PRDM16: variants seen among roughly 807,000 people sequenced by gnomAD.
PRDM16 encodes histone-lysine N-methyltransferase PRDM16.
PRDM16 carries 23 observed loss-of-function variants against 110.6 expected under a neutral mutation model. The observed-to-expected ratio is 0.21, with a 90% confidence interval of 0.15 to 0.29. PRDM16 has a LOEUF of 0.29. Ranked by LOEUF, PRDM16 falls within the 10% of genes least tolerant of loss-of-function variation. PRDM16 has a pLI of 1.00. For missense variants in PRDM16, 1,615 were observed against 1,794.3 expected (o/e 0.90, Z 1.81); for synonymous variants, 799 against 781.8 (o/e 1.02, Z -0.37).
At chr1:3,286,109 C>A (rs1340526115) in intron 3 of PRDM16, among the ~76,000 whole-genome samples, 1 of 152,150 alleles carries the variant, frequency 6.6e-6, no homozygotes, top group African/African-American at 2.4e-5. Context: ...GTCAGCATTC[C>A]CCACGACAGC....
At chr1:3,161,175 C>T (rs894976569) in intron 1 of PRDM16, among the ~76,000 whole-genome samples, 16 of 152,256 alleles carry the variant, frequency 1.1e-4, no homozygotes, top group East Asian at 5.8e-4. Context: ...AAGGAGCCAG[C>T]GCGGAAAGTT....
chr1:3,253,680 T>A (rs1639989458), intron 3 of PRDM16, among the ~76,000 whole-genome samples: 1 of 152,328 alleles, frequency 6.6e-6, no homozygotes, highest in African/African-American at 2.4e-5. Flanking sequence ...CGTGTGCATG[T>A]GTCTTTATGG....
At chr1:3,267,486 C>A (rs1247202590) in intron 3 of PRDM16, among the ~76,000 whole-genome samples, 1 of 152,162 alleles carries the variant, frequency 6.6e-6, no homozygotes, top group East Asian at 1.9e-4. Flanking sequence ...TACGTGTGTA[C>A]AAGGATCGAT....
intron 1 of PRDM16, among the ~76,000 whole-genome samples, chr1:3,101,848 C>T (rs560292154): frequency 3.9e-5 from 6 of 152,322 alleles, no homozygotes; most frequent in South Asian, 4.1e-4. Context: ...GAAGACCACC[C>T]GTTCTTGTCT....
chr1:3,322,038 G>A (rs1641767242), intron 3 of PRDM16, among the ~76,000 whole-genome samples: 1 of 151,484 alleles, frequency 6.6e-6, no homozygotes, highest in African/African-American at 2.4e-5. Context: ...GTGTGTGAGA[G>A]TGTTTGGAGG....
chr1:3,206,282 G>A lies in PRDM16; in HGVS notation c.387+19808G>A, dbSNP rs1638750841. 1 of 152,302 alleles carries A rather than the reference G, an allele frequency of 6.6e-6. No homozygotes were observed. The highest frequency in any genetic ancestry group is 1.5e-5 in the Non-Finnish European group (1 of 68,098). 9.4% of individuals were successfully genotyped at this position (152,302 alleles called of 1,614,324 possible). Reference sequence around the variant, plus strand: ...CCCACAGAGGGCCCTTTCCCAGAGAGACCACCAGTGGGCCTGGACCCACGC... The same window carrying A: ...CCCACAGAGGGCCCTTTCCCAGAGAAACCACCAGTGGGCCTGGACCCACGC... On this transcript the variant is annotated intron_variant, in intron 2 of 16. Transcript: ENST00000270722. The surrounding 1 kb of genome is among the most constrained non-coding windows in gnomAD (Gnocchi z 4.9).
chr1:3,278,957 G>T (rs1417158657), intron 3 of PRDM16, among the ~76,000 whole-genome samples: 3 of 152,218 alleles, frequency 2.0e-5, no homozygotes, highest in African/African-American at 4.8e-5. Context: ...GATCCGTGGA[G>T]CCACACGGTG....
chr1:3,204,284 G>A (rs1638700617), intron 2 of PRDM16, among the ~76,000 whole-genome samples: 1 of 152,116 alleles, frequency 6.6e-6, no homozygotes, highest in African/African-American at 2.4e-5. Flanking sequence ...TGTGGGGGGA[G>A]GGCAGTGGAA....
intron 2 of PRDM16, among the ~76,000 whole-genome samples, chr1:3,186,772 C>T (rs188254126): frequency 2.6e-5 from 4 of 152,336 alleles, no homozygotes; most frequent in Admixed American, 1.3e-4. Context: ...ATCCCAGGCG[C>T]GAACACTGCC....
rs918775520 is a variant in PRDM16, at chr1:3,299,189, G to A, written c.438+55052G>A. Among the ~76,000 whole-genome samples the A allele has an allele frequency of 7.1e-4, 107 of 150,702 alleles. 1 individual carries two copies. Among genetic ancestry groups the A allele is most frequent in the African/African-American group, 2.4e-3 (98 of 40,268 alleles). ...GCTGTGCTGTGGCCATGATGTTTCAGATCCCAGTCGTGGTGGCTCTGCCCT... is the reference window on the plus strand; with the variant it reads ...GCTGTGCTGTGGCCATGATGTTTCAAATCCCAGTCGTGGTGGCTCTGCCCT... On this transcript the variant is annotated intron_variant, in intron 3 of 16. Transcript: ENST00000270722.
intron 1 of PRDM16, among the ~76,000 whole-genome samples, chr1:3,154,749 C>G (rs999117386): frequency 3.9e-5 from 6 of 152,172 alleles, no homozygotes; most frequent in African/African-American, 1.4e-4. Flanking sequence ...GCTGCTGACC[C>G]CCAGGCCGTT....
chr1:3,431,111 G>A lies in PRDM16; in HGVS notation c.3521+3G>A, dbSNP rs766596660. The A allele has an allele frequency of 4.5e-6, 7 of 1,549,362 alleles. No individual in the cohort carries two copies. In the African/African-American group the frequency reaches 5.5e-5, roughly 12 times the overall value. On this transcript the variant is annotated splice_donor_region_variant and intron_variant, in intron 15 of 16. Coordinates refer to ENST00000270722, the MANE Select transcript of PRDM16 (RefSeq NM_022114.4). ...GTGGGCTTTGACCACACCCGAAGGT[G>A]GGGGCAGCCGTGTGCTCCAGGATGG...
chr1:3,358,470 G>A lies in PRDM16; in HGVS notation c.439-26682G>A, dbSNP rs905997948. Reference sequence around the variant, plus strand: ...GGTGTTGTCTCCAGAGGCAGCCGCTGCGCCCCAGACTCCCAGCCGCGGCTT... The same window carrying A: ...GGTGTTGTCTCCAGAGGCAGCCGCTACGCCCCAGACTCCCAGCCGCGGCTT... On this transcript the variant is annotated intron_variant, in intron 3 of 16. Coordinates refer to ENST00000270722, the MANE Select transcript of PRDM16 (RefSeq NM_022114.4). This position sits in a 1 kb window ranked among gnomAD's most constrained non-coding sequence, Gnocchi z 4.0. Among the ~76,000 whole-genome samples, 2 of 152,290 alleles carry A rather than the reference G, an allele frequency of 1.3e-5. No individual in the cohort carries two copies. Among genetic ancestry groups the A allele is most frequent in the South Asian group, 4.2e-4 (2 of 4,818 alleles).
At chr1:3,357,242 A>G (rs1642625120) in intron 3 of PRDM16, among the ~76,000 whole-genome samples, 1 of 152,092 alleles carries the variant, frequency 6.6e-6, no homozygotes, top group South Asian at 2.1e-4. Context: ...CACCTGGGCC[A>G]TGAACGGGGA....
chr1:3,313,559 T>G (rs1641517725), intron 3 of PRDM16, among the ~76,000 whole-genome samples: 1 of 152,162 alleles, frequency 6.6e-6, no homozygotes, highest in Non-Finnish European at 1.5e-5. Context: ...TATCCAAAAT[T>G]TGAAATAGTC....
intron 3 of PRDM16, among the ~76,000 whole-genome samples, chr1:3,361,497 G>T (rs984730825): frequency 1.3e-5 from 2 of 152,232 alleles, no homozygotes; most frequent in Non-Finnish European, 2.9e-5. Context: ...AAAGAAAAGG[G>T]TATCTGTGGA....
At chr1:3,183,389 C>T (rs1644232760) in intron 1 of PRDM16, among the ~76,000 whole-genome samples, 1 of 152,254 alleles carries the variant, frequency 6.6e-6, no homozygotes, top group Non-Finnish European at 1.5e-5. Flanking sequence ...AGCCTCCGTG[C>T]AGGCTTCCCG....
intron 2 of PRDM16, among the ~76,000 whole-genome samples, chr1:3,229,501 G>A (rs574975680): frequency 6.0e-4 from 92 of 152,300 alleles, no homozygotes; most frequent in Non-Finnish European, 9.1e-4. Context: ...ACAGCCACAC[G>A]GCATAGCTGA....
chr1:3,350,975 AT>A lies in PRDM16; in HGVS notation c.439-34174del, dbSNP rs1418641294. 6.6e-6 allele frequency among the ~76,000 whole-genome samples: 1 copy of A among 152,200 alleles called. No homozygotes were observed. On this transcript the variant is annotated intron_variant, in intron 3 of 16. Coordinates refer to ENST00000270722, the MANE Select transcript of PRDM16 (RefSeq NM_022114.4). The surrounding 1 kb of genome is among the most constrained non-coding windows in gnomAD (Gnocchi z 7.1). ...TGGGAGAAAAACAAGTCAGAAGACC[AT>A]TTCCAAAAATAGCCAGCAGAGAGCG...
Sources: allele counts gnomAD v4.1 joint callset (sites outside exome capture counted in the v4.1 genomes callset), GRCh38; gene constraint gnomAD v4.1.1; non-coding constraint Gnocchi (gnomAD v3.1); transcripts MANE v1.5; gene names NCBI Gene and HGNC (gene_info 2026-07-23, HGNC 2026-07-21).